The following ARHGAP25 variants were observed in gnomAD, a reference collection of about 807,000 sequenced individuals.
The protein encoded by ARHGAP25 is rho GTPase-activating protein 25.
In ARHGAP25, 34 loss-of-function variants were observed where a neutral mutation model predicts 71.0. The observed-to-expected ratio is 0.48, with a 90% CI of 0.36 to 0.64. ARHGAP25 has a LOEUF of 0.64. ARHGAP25 is among the 30% of genes least tolerant of loss of function. The pLI is 0.00. For synonymous variants in ARHGAP25, 282 were observed against 296.5 expected, an observed-to-expected ratio of 0.95 and a Z score of 0.50; for missense variants, 706 against 805.1, an observed-to-expected ratio of 0.88 and a Z score of 1.49.
At chr2:68,822,262 G>T (rs1681740745) in intron 9 of ARHGAP25, 78 bp from the exon 10 acceptor site, 4 of 1,417,476 alleles carry the variant, frequency 2.8e-6, no homozygotes, top group South Asian at 2.8e-5. Flanking sequence ...TTGTTTTGGG[G>T]TCTCTAATCC....
intron 4 of ARHGAP25, among the ~76,000 whole-genome samples, chr2:68,802,611 A>C (rs894204026): frequency 6.6e-6 from 1 of 151,842 alleles, no homozygotes. Context: ...GGAAGGCTAC[A>C]GGAGAAGCAG....
At chr2:68,744,230 T>C (rs1468568254) in intron 1 of ARHGAP25, among the ~76,000 whole-genome samples, 1 of 151,942 alleles carries the variant, frequency 6.6e-6, no homozygotes, top group African/African-American at 2.4e-5. Context: ...GGCCCGTAAG[T>C]TTGCTATTCT....
At chr2:68,798,095 A>G (rs1397540043) in intron 4 of ARHGAP25, among the ~76,000 whole-genome samples, 1 of 152,222 alleles carries the variant, frequency 6.6e-6, no homozygotes, top group Non-Finnish European at 1.5e-5. Flanking sequence ...GTAGTCAGCC[A>G]TCTTGAAAAA....
At chr2:68,812,504 C>T (rs1201809463) in intron 5 of ARHGAP25, among the ~76,000 whole-genome samples, 5 of 152,212 alleles carry the variant, frequency 3.3e-5, no homozygotes, top group Non-Finnish European at 7.3e-5. Context: ...CCTAACTCCT[C>T]ACCGCCTTTC....
intron 2 of ARHGAP25, among the ~76,000 whole-genome samples, chr2:68,714,071 TC>T (rs1674553044): frequency 6.6e-6 from 1 of 152,220 alleles, no homozygotes; most frequent in Admixed American, 6.5e-5. Context: ...TACCAGCTCC[TC>T]TTTGTACCTC....
intron 1 of ARHGAP25, among the ~76,000 whole-genome samples, chr2:68,756,501 A>G (rs1443428754): frequency 6.6e-6 from 1 of 152,188 alleles, no homozygotes; most frequent in Non-Finnish European, 1.5e-5. Flanking sequence ...GGAGCCAGAC[A>G]TTGAAGACTA....
intron 2 of ARHGAP25, among the ~76,000 whole-genome samples, chr2:68,712,087 C>A (rs1307686489): frequency 6.6e-6 from 1 of 152,154 alleles, no homozygotes; most frequent in Admixed American, 6.5e-5. Context: ...GAGGAATTTC[C>A]ACACTGTCTT....
intron 2 of ARHGAP25, among the ~76,000 whole-genome samples, chr2:68,716,484 A>G (rs13032973): frequency 0.032 from 4,909 of 152,272 alleles, 115 homozygotes; most frequent in East Asian, 0.11. Flanking sequence ...TGGTGAGTCA[A>G]CTTGATGGGG....
intron 1 of ARHGAP25, among the ~76,000 whole-genome samples, chr2:68,737,044 T>G (rs1487476868): frequency 2.0e-5 from 3 of 152,104 alleles, no homozygotes; most frequent in Admixed American, 2.0e-4. Context: ...TATTTAGTAT[T>G]ACTTAATGAA....
chr2:68,728,808 C>A (rs1674941934), intron 2 of ARHGAP25, among the ~76,000 whole-genome samples: 1 of 152,132 alleles, frequency 6.6e-6, no homozygotes, highest in African/African-American at 2.4e-5. Context: ...ATGTTCATAG[C>A]ATCATTTTTC....
At chr2:68,790,449 G>A (rs1262153496) in intron 4 of ARHGAP25, among the ~76,000 whole-genome samples, 1 of 152,132 alleles carries the variant, frequency 6.6e-6, no homozygotes, top group African/African-American at 2.4e-5. Context: ...GACGTGTCCC[G>A]TGGGCCCAGG....
intron 3 of ARHGAP25, among the ~76,000 whole-genome samples, chr2:68,785,832 G>A (rs1175338748): frequency 6.6e-6 from 1 of 152,086 alleles, no homozygotes; most frequent in Non-Finnish European, 1.5e-5. Context: ...TAGCCCAAAG[G>A]GTAACACATG....
chr2:68,748,156 C>T (rs762846833), intron 1 of ARHGAP25, among the ~76,000 whole-genome samples: 4 of 152,174 alleles, frequency 2.6e-5, no homozygotes, highest in Non-Finnish European at 4.4e-5. Context: ...CACTGTGTCC[C>T]AGCCACACCC....
At chr2:68,724,994 A>G (rs1674849790) in intron 2 of ARHGAP25, among the ~76,000 whole-genome samples, 1 of 151,284 alleles carries the variant, frequency 6.6e-6, no homozygotes, top group Non-Finnish European at 1.5e-5. Context: ...GAAAAACATC[A>G]CCCCCATGAC....
intron 4 of ARHGAP25, among the ~76,000 whole-genome samples, chr2:68,802,938 CAT>C (rs1173499356): frequency 6.7e-6 from 1 of 149,718 alleles, no homozygotes; most frequent in African/African-American, 2.5e-5. Context: ...CATATATACA[CAT>C]ATGTGTGTGT....
chr2:68,730,225 G>A (rs1674983148), upstream of ARHGAP25, among the ~76,000 whole-genome samples: 12 of 152,326 alleles, frequency 7.9e-5, no homozygotes, highest in South Asian at 2.5e-3. Context: ...AACCAAGAAT[G>A]GGAAAAGTTC....
chr2:68,727,251 C>T (rs182412490), intron 2 of ARHGAP25, among the ~76,000 whole-genome samples: 4 of 152,324 alleles, frequency 2.6e-5, no homozygotes, highest in East Asian at 1.9e-4. Flanking sequence ...GGCTGACTCA[C>T]GGCCACAAAG....
intron 3 of ARHGAP25, among the ~76,000 whole-genome samples, chr2:68,787,461 C>T (rs927636720): frequency 6.6e-6 from 1 of 152,222 alleles, no homozygotes; most frequent in African/African-American, 2.4e-5. Flanking sequence ...AGGAAAGTAT[C>T]CACGGTTGGC....
intron 9 of ARHGAP25, chr2:68,819,610 C>A: frequency 1.7e-6 from 1 of 591,906 alleles, no homozygotes; most frequent in South Asian, 2.1e-5. Context: ...AAATACAGTC[C>A]AGAGAAGTTC....
Sources: allele counts gnomAD v4.1 joint callset (sites outside exome capture counted in the v4.1 genomes callset), GRCh38; gene constraint gnomAD v4.1.1; transcripts MANE v1.5; gene names NCBI Gene and HGNC (gene_info 2026-07-23, HGNC 2026-07-21).